The following TMEM65 variants were observed in gnomAD, a reference collection of about 807,000 sequenced individuals.
TMEM65 encodes the protein transmembrane protein 65.
In TMEM65, 22 loss-of-function variants were observed where a neutral mutation model predicts 25.4. The observed-to-expected ratio is 0.86, with a 90% CI of 0.62 to 1.23. The LOEUF (loss-of-function observed/expected upper bound fraction) is 1.23, where lower values mean the gene tolerates loss of function less well. TMEM65 is among the 50% of genes most tolerant of loss of function. The probability of loss-of-function intolerance (pLI) is 0.00; values close to 1 mark genes in which losing one functional copy is unlikely to be tolerated. For missense variants in TMEM65, 262 were observed against 308.2 expected (o/e 0.85, Z 1.12); for synonymous variants, 132 against 126.2 (o/e 1.05, Z -0.31).
At chr8:124,342,237 T>C (rs946723164) in intron 1 of TMEM65, among the ~76,000 whole-genome samples, 1 of 152,138 alleles carries the variant, frequency 6.6e-6, no homozygotes, top group African/African-American at 2.4e-5. Context: ...TGTACTTTCC[T>C]GAGCAACTAT....
intron 6 of TMEM65, 32 bp downstream of exon 6, chr8:124,320,054 A>G: frequency 6.4e-7 from 1 of 1,554,126 alleles, no homozygotes; most frequent in Non-Finnish European, 8.9e-7. Context: ...TGGCTACCCA[A>G]CTCATTATCA....
intron 1 of TMEM65, among the ~76,000 whole-genome samples, chr8:124,364,956 A>C (rs2131231037): frequency 6.6e-6 from 1 of 152,354 alleles, no homozygotes; most frequent in South Asian, 2.1e-4. Context: ...ACCAGACAAG[A>C]GTGTGGTTAT....
rs1392448153 is a variant in TMEM65, at chr8:124,310,878, C to G, written c.*3082G>C. On this transcript the variant is annotated 3_prime_UTR_variant, in exon 7 of 7. Coordinates refer to ENST00000297632, the MANE Select transcript of TMEM65 (RefSeq NM_194291.3). ...CTATAAAAACTAGATTCTCAAGGTA[C>G]TGCATTACCACACAATAATAATATA... is the stretch of plus-strand genomic sequence containing the variant. 2.6e-5 allele frequency: 4 copies of G among 151,964 alleles called. No homozygotes were observed. Among genetic ancestry groups the G allele is most frequent in the Non-Finnish European group, 4.4e-5 (3 of 67,974 alleles). 9.4% of individuals were successfully genotyped at this position (151,964 alleles called of 1,614,324 possible). A position where few individuals can be genotyped will look rare whatever the true frequency, so the allele number is the denominator to read the frequency against.
intron 1 of TMEM65, among the ~76,000 whole-genome samples, chr8:124,361,445 A>G (rs1283050517): frequency 6.6e-6 from 1 of 151,662 alleles, no homozygotes; most frequent in Admixed American, 6.6e-5. Flanking sequence ...CACGAAAAAA[A>G]AAAAAAAAAA....
At chr8:124,327,847 T>C (rs991182772) in intron 2 of TMEM65, among the ~76,000 whole-genome samples, 1 of 152,168 alleles carries the variant, frequency 6.6e-6, no homozygotes, top group Admixed American at 6.6e-5. Context: ...TTAGAAATAA[T>C]GAAAATGTCC....
Position 124,310,904 on chromosome 8 carries a change from C to T in TMEM65, c.*3056G>A, listed in dbSNP as rs1814150154. The T allele has an allele frequency of 6.6e-6, 1 of 151,904 alleles. No homozygotes were observed. The highest frequency in any genetic ancestry group is 2.1e-4 in the South Asian group (1 of 4,814). 9.4% of individuals were successfully genotyped at this position (151,904 alleles called of 1,614,324 possible). ...TGCATTACCACACAATAATAATATA[C>T]ATAAAGATAATGCTTAGCCACTAAG... On this transcript the variant is annotated 3_prime_UTR_variant, in exon 7 of 7. Coordinates refer to ENST00000297632, the MANE Select transcript of TMEM65 (RefSeq NM_194291.3).
At chr8:124,345,556 T>C (rs1814630914) in intron 1 of TMEM65, among the ~76,000 whole-genome samples, 2 of 152,222 alleles carry the variant, frequency 1.3e-5, no homozygotes, top group Admixed American at 1.3e-4. Context: ...ATGGTGATGC[T>C]GTAACACAGA....
chr8:124,350,914 TACAG>T (rs1352178925), intron 1 of TMEM65: 51 of 865,626 alleles, frequency 5.9e-5, no homozygotes, highest in Middle Eastern at 5.7e-4. Flanking sequence ...TGTTCCATCA[TACAG>T]ACAGTCAAAA....
intron 1 of TMEM65, among the ~76,000 whole-genome samples, chr8:124,358,727 G>A (rs998096286): frequency 2.6e-5 from 4 of 152,166 alleles, no homozygotes; most frequent in African/African-American, 9.7e-5. Context: ...AATAAACTCT[G>A]TTAAATTTGT....
At chr8:124,317,891 C>G (rs904479006) in intron 6 of TMEM65, among the ~76,000 whole-genome samples, 1 of 152,082 alleles carries the variant, frequency 6.6e-6, no homozygotes, top group African/African-American at 2.4e-5. Flanking sequence ...GCAGGTGACC[C>G]GTAGATCGGG....
At chr8:124,363,135 T>C (rs1279233118) in intron 1 of TMEM65, among the ~76,000 whole-genome samples, 1 of 152,240 alleles carries the variant, frequency 6.6e-6, no homozygotes, top group East Asian at 1.9e-4. Flanking sequence ...AGTTTAGTCT[T>C]TTGACCTCAA....
At chr8:124,333,168 G>T (rs192368397) in intron 1 of TMEM65, among the ~76,000 whole-genome samples, 1 of 142,516 alleles carries the variant, frequency 7.0e-6, no homozygotes, top group African/African-American at 2.7e-5. Flanking sequence ...ACATACATCA[G>T]AAGTAAAAAA....
At chr8:124,364,979 C>T (rs760073059) in intron 1 of TMEM65, among the ~76,000 whole-genome samples, 1 of 152,172 alleles carries the variant, frequency 6.6e-6, no homozygotes, top group Non-Finnish European at 1.5e-5. Context: ...AAACTCATCA[C>T]TATTTTTAGA....
chr8:124,348,565 C>T (rs1357278340), intron 1 of TMEM65, among the ~76,000 whole-genome samples: 1 of 151,830 alleles, frequency 6.6e-6, no homozygotes, highest in Non-Finnish European at 1.5e-5. Flanking sequence ...AATCATATAG[C>T]TATGGATAAT....
intron 3 of TMEM65, among the ~76,000 whole-genome samples, chr8:124,324,651 G>GA (rs1814345808): frequency 6.6e-6 from 1 of 151,998 alleles, no homozygotes; most frequent in Non-Finnish European, 1.5e-5. Flanking sequence ...GGCCAAAGAA[G>GA]AATCTCTTGC....
At chr8:124,364,904 C>T (rs1814917882) in intron 1 of TMEM65, among the ~76,000 whole-genome samples, 2 of 152,170 alleles carry the variant, frequency 1.3e-5, no homozygotes, top group South Asian at 2.1e-4. Context: ...GATTTAGTCC[C>T]TATTTGTTCA....
intron 3 of TMEM65, among the ~76,000 whole-genome samples, chr8:124,326,735 C>A (rs1814370227): frequency 6.6e-6 from 1 of 151,910 alleles, no homozygotes; most frequent in Admixed American, 6.6e-5. Flanking sequence ...TATTGGTATC[C>A]ATTAGCAGGC....
chr8:124,332,850 G>A (rs1403786658), intron 1 of TMEM65, among the ~76,000 whole-genome samples: 3 of 151,922 alleles, frequency 2.0e-5, no homozygotes, highest in African/African-American at 7.3e-5. Context: ...GTCTCTCCCA[G>A]GCTGAAGTGC....
At chr8:124,344,368 C>T (rs1814618475) in intron 1 of TMEM65, among the ~76,000 whole-genome samples, 1 of 152,160 alleles carries the variant, frequency 6.6e-6, no homozygotes, top group African/African-American at 2.4e-5. Context: ...AATACTCCTT[C>T]CCTGGCTTGG....
Sources: gnomAD v4.1 joint callset for allele counts (sites outside exome capture counted in the v4.1 genomes callset) on GRCh38, gnomAD v4.1.1 for gene constraint, MANE v1.5 for transcripts, NCBI Gene and HGNC (gene_info 2026-07-23, HGNC 2026-07-21) for gene names.